FRMPD1: variants seen among roughly 807,000 people sequenced by gnomAD.
FRMPD1 encodes the protein FERM and PDZ domain containing 1.
In FRMPD1, 76 loss-of-function variants were observed where a neutral mutation model predicts 117.8. That is an observed-to-expected ratio of 0.65 (90% CI 0.54 to 0.78). The LOEUF is 0.78. Among genes scored for constraint, FRMPD1 ranks in the 30% least tolerant of loss-of-function variants. The pLI, the probability that FRMPD1 is intolerant of heterozygous loss-of-function variation, is 0.00. For missense variants in FRMPD1, 1,786 were observed against 1,964.5 expected (o/e 0.91, Z 1.72); for synonymous variants, 783 against 770.4 (o/e 1.02, Z -0.27).
Position 37,724,216 on chromosome 9 carries a change from G to A in FRMPD1, c.517-9G>A, listed in dbSNP as rs370691170. ...GACAGGGATACAACAATACTCTTGT[G>A]TTTTCCAGGGTAATTCTCTGCTGTG... On this transcript the variant is annotated splice_polypyrimidine_tract_variant and intron_variant, in intron 6 of 15. Coordinates refer to ENST00000377765, the MANE Select transcript of FRMPD1 (RefSeq NM_014907.3). 17 of 1,459,376 alleles carry A rather than the reference G, an allele frequency of 1.2e-5. No homozygotes were observed. The highest frequency in any genetic ancestry group is 1.5e-5 in the Non-Finnish European group (16 of 1,038,952). 90.4% of individuals were successfully genotyped at this position (1,459,376 alleles called of 1,614,324 possible).
At chr9:37,636,621 C>A in the FRMPD1 span, 1 of 1,173,692 alleles carries the variant, frequency 8.5e-7, no homozygotes. Flanking sequence ...GAGGGAGGCA[C>A]CTCCTGTCCC....
chr9:37,604,727 G>T, the FRMPD1 span, among the ~76,000 whole-genome samples: 1 of 152,140 alleles, frequency 6.6e-6, no homozygotes. Context: ...GTGTGTCCTT[G>T]GTCCTCAGCA....
At chr9:37,736,549 AGG>A (rs1824135846) in intron 13 of FRMPD1, among the ~76,000 whole-genome samples, 1 of 146,890 alleles carries the variant, frequency 6.8e-6, no homozygotes, top group African/African-American at 2.5e-5. Flanking sequence ...AAAAAAAAAA[AGG>A]TAACTAGTGC....
At chr9:37,616,385 G>C in the FRMPD1 span, among the ~76,000 whole-genome samples, 1 of 152,138 alleles carries the variant, frequency 6.6e-6, no homozygotes, top group Non-Finnish European at 1.5e-5. Flanking sequence ...CCAAAGTGCT[G>C]GGATTACAGG....
intron 1 of FRMPD1, among the ~76,000 whole-genome samples, chr9:37,659,632 T>C (rs1184735077): frequency 6.6e-6 from 1 of 152,198 alleles, no homozygotes; most frequent in East Asian, 1.9e-4. Flanking sequence ...ATTTTCCCAC[T>C]AATTTAGACT....
chr9:37,645,619 T>C, the FRMPD1 span, among the ~76,000 whole-genome samples: 3 of 152,226 alleles, frequency 2.0e-5, no homozygotes, highest in Non-Finnish European at 4.4e-5. Context: ...AGTACACAGA[T>C]AATGAACTTT....
the FRMPD1 span, among the ~76,000 whole-genome samples, chr9:37,629,057 G>C: frequency 6.6e-6 from 1 of 152,190 alleles, no homozygotes. Flanking sequence ...AAATTAGCTA[G>C]ACGTGGTGGC....
intron 2 of FRMPD1, 22 bp downstream of exon 2, chr9:37,692,764 A>G: frequency 6.4e-7 from 1 of 1,550,612 alleles, no homozygotes; most frequent in South Asian, 1.1e-5. Flanking sequence ...GAGTTTGCAG[A>G]TTTCTGTCTA....
chr9:37,667,078 T>TTC (rs1588910743), intron 1 of FRMPD1, among the ~76,000 whole-genome samples: 1 of 149,358 alleles, frequency 6.7e-6, no homozygotes, highest in Non-Finnish European at 1.5e-5. Flanking sequence ...TTTTTTTTTT[T>TTC]CCTGAGACAG....
chr9:37,726,120 C>A (rs143137310), intron 7 of FRMPD1, among the ~76,000 whole-genome samples: 95 of 152,246 alleles, frequency 6.2e-4, no homozygotes, highest in African/African-American at 2.3e-3. Context: ...ACTGGTTAAT[C>A]TTATTTATCT....
At chr9:37,652,906 G>A (rs2119357117) in intron 1 of FRMPD1, among the ~76,000 whole-genome samples, 1 of 152,336 alleles carries the variant, frequency 6.6e-6, no homozygotes, top group Middle Eastern at 3.4e-3. Flanking sequence ...TGAATTCCAA[G>A]TGGAGATATT....
rs558036437 is a variant in FRMPD1, at chr9:37,744,688, T to C, written c.2656T>C (p.Ser886Pro). Residue 886 changes from serine to proline, a missense_variant, in exon 16 of 16, where the codon TCT becomes CCT. By Grantham distance (74) the Ser-to-Pro change is moderately conservative (BLOSUM62 -1). Coordinates refer to ENST00000377765, the MANE Select transcript of FRMPD1 (RefSeq NM_014907.3). ...ALGAPSPTVS[S>P]LQDMQGEPGL... ...TGGTGCACCCTCCCCAACTGTGTCC[T>C]CTCTGCAGGACATGCAGGGTGAGCC... The C allele has an allele frequency of 2.8e-4, 460 of 1,614,036 alleles. 3 individuals carry two copies. In the South Asian group the frequency reaches 4.8e-3, roughly 17 times the overall value.
the FRMPD1 span, among the ~76,000 whole-genome samples, chr9:37,615,963 C>A: frequency 6.6e-6 from 1 of 151,918 alleles, no homozygotes; most frequent in Non-Finnish European, 1.5e-5. Context: ...CAGGCACCCA[C>A]CATCATGCCC....
chr9:37,735,773 A>C, intron 13 of FRMPD1, 39 bp downstream of exon 13: 1 of 1,491,962 alleles, frequency 6.7e-7, no homozygotes, highest in Non-Finnish European at 9.3e-7. Flanking sequence ...CAACTGCTGG[A>C]ATTTGGGGCC....
At position 37,732,325 on chromosome 9, in the gene FRMPD1, G is replaced by C; in HGVS notation, c.880G>C (p.Glu294Gln). Residue 294 changes from glutamate (E) to glutamine (Q), a missense_variant, in exon 10 of 16, where the codon GAG (glutamate) becomes CAG (glutamine). Physicochemically the swap from Glu to Gln is conservative, Grantham distance 29 (BLOSUM62 2). Transcript: ENST00000377765. ...CTAGAGCTGCAGCGATGTGCTCCAG[G>C]AGCGCTTTGCTGTAGAAATGAAATG... is the stretch of plus-strand genomic sequence containing the variant. ...YLQSCSDVLQ[E>Q]RFAVEMKCSS... 1 of 1,613,776 alleles carries C rather than the reference G, an allele frequency of 6.2e-7. No individual in the cohort carries two copies. The highest frequency in any genetic ancestry group is 8.5e-7 in the Non-Finnish European group (1 of 1,180,024).
intron 4 of FRMPD1, among the ~76,000 whole-genome samples, chr9:37,710,216 A>G (rs1345761929): frequency 6.6e-6 from 1 of 152,208 alleles, no homozygotes; most frequent in Non-Finnish European, 1.5e-5. Context: ...TAAAATGGAA[A>G]AGAGGAAGTC....
chr9:37,644,811 AAG>A, the FRMPD1 span, among the ~76,000 whole-genome samples: 1 of 152,178 alleles, frequency 6.6e-6, no homozygotes, highest in Non-Finnish European at 1.5e-5. Flanking sequence ...TTGAGAGAAT[AAG>A]ATGAGATGAT....
chr9:37,624,137 C>T, the FRMPD1 span, among the ~76,000 whole-genome samples: 1 of 152,138 alleles, frequency 6.6e-6, no homozygotes, highest in Non-Finnish European at 1.5e-5. Context: ...GGAATAGTAC[C>T]AGTTTCTAGT....
intron 2 of FRMPD1, among the ~76,000 whole-genome samples, chr9:37,702,642 G>T (rs913496976): frequency 6.6e-6 from 1 of 152,208 alleles, no homozygotes; most frequent in African/African-American, 2.4e-5. Context: ...GGAGTGGTGG[G>T]TGGATGCTGG....
Sources: gnomAD v4.1 joint callset for allele counts (sites outside exome capture counted in the v4.1 genomes callset) on GRCh38, gnomAD v4.1.1 for gene constraint, MANE v1.5 for transcripts, NCBI Gene and HGNC (gene_info 2026-07-23, HGNC 2026-07-21) for gene names.